BCL2: variants seen among roughly 807,000 people sequenced by gnomAD.
BCL2 encodes BCL2 apoptosis regulator, also known as apoptosis regulator Bcl-2.
Under a neutral mutation model 14.2 loss-of-function variants are expected in BCL2, and 1 was observed. The ratio of observed to expected loss-of-function variants is 0.07; its 90% CI spans 0.02 to 0.33. The LOEUF is 0.33. Ranked by LOEUF, BCL2 falls within the 10% of genes least tolerant of loss-of-function variation. The pLI is 0.99. For missense variants in BCL2, 247 were observed against 305.9 expected (o/e 0.81, Z 1.44); for synonymous variants, 151 against 137.2 (o/e 1.10, Z -0.70).
chr18:63,160,528 C>G (rs913453974), intron 2 of BCL2, among the ~76,000 whole-genome samples: 1 of 152,152 alleles, frequency 6.6e-6, no homozygotes, highest in African/African-American at 2.4e-5. Context: ...AGTGCAGAGT[C>G]CCCTCTTCCA....
chr18:63,293,707 T>C (rs146717587), intron 2 of BCL2, among the ~76,000 whole-genome samples: 124 of 152,252 alleles, frequency 8.1e-4, no homozygotes, highest in African/African-American at 2.9e-3. Flanking sequence ...CATAACCAGT[T>C]TTCTCCAGTA....
At chr18:63,289,020 C>A (rs1250871992) in intron 2 of BCL2, among the ~76,000 whole-genome samples, 1 of 152,014 alleles carries the variant, frequency 6.6e-6, no homozygotes, top group Non-Finnish European at 1.5e-5. Context: ...GAGAAGTGAA[C>A]AAGTAAAGTA....
At chr18:63,147,682 A>G (rs1542578) in intron 2 of BCL2, among the ~76,000 whole-genome samples, 3 of 151,934 alleles carry the variant, frequency 2.0e-5, no homozygotes, top group Non-Finnish European at 2.9e-5. Context: ...GGCATGAAAA[A>G]CATATTCCAA....
At chr18:63,252,950 G>T (rs1344017903) in intron 2 of BCL2, among the ~76,000 whole-genome samples, 5 of 152,088 alleles carry the variant, frequency 3.3e-5, no homozygotes, top group Non-Finnish European at 7.4e-5. Flanking sequence ...AAATAAATAG[G>T]TTCCTAACAT....
intron 2 of BCL2, among the ~76,000 whole-genome samples, chr18:63,234,227 T>G (rs1440362971): frequency 1.3e-5 from 2 of 152,214 alleles, no homozygotes; most frequent in African/African-American, 4.8e-5. Flanking sequence ...CTATTTATTC[T>G]GATGCTCTCC....
intron 2 of BCL2, among the ~76,000 whole-genome samples, chr18:63,305,934 GT>G (rs1417137561): frequency 3.3e-5 from 5 of 151,976 alleles, no homozygotes; most frequent in Admixed American, 2.0e-4. Flanking sequence ...CATTATCTAG[GT>G]GTGGTGGCAT....
intron 2 of BCL2, among the ~76,000 whole-genome samples, chr18:63,211,763 G>A (rs902534941): frequency 4.6e-5 from 7 of 152,230 alleles, no homozygotes; most frequent in Admixed American, 2.0e-4. Flanking sequence ...GCTGCAAGCT[G>A]TGTCTCACCA....
Position 63,272,132 on chromosome 18 carries a change from G to A in BCL2, c.585+45950C>T, listed in dbSNP as rs186896043. On this transcript the variant is annotated intron_variant, in intron 2 of 2. Coordinates refer to ENST00000333681, the MANE Select transcript of BCL2 (RefSeq NM_000633.3). ...AACCAGTGACTGACTCCATATGCGG[G>A]AGACTTCAACCCAGCTGACAGATGC... is the stretch of plus-strand genomic sequence containing the variant. 2.0e-5 allele frequency among the ~76,000 whole-genome samples: 3 copies of A among 152,308 alleles called. No homozygotes were observed. The East Asian group carries it at 5.8e-4, about 29-fold the overall frequency.
intron 2 of BCL2, among the ~76,000 whole-genome samples, chr18:63,249,555 A>C (rs1911245231): frequency 6.6e-6 from 1 of 151,918 alleles, no homozygotes; most frequent in African/African-American, 2.4e-5. Flanking sequence ...AAAAATGCCA[A>C]AAAAATTAGC....
At position 63,318,929 on chromosome 18, in the gene BCL2, T is replaced by C; in HGVS notation, c.-263A>G. On this transcript the variant is annotated 5_prime_UTR_variant, in exon 2 of 3. In the 5' UTR this introduces an upstream ATG that the reference lacks. Coordinates refer to ENST00000333681, the MANE Select transcript of BCL2 (RefSeq NM_000633.3). The surrounding 1 kb of genome is among the most constrained non-coding windows in gnomAD (Gnocchi z 7.4). ...CGTTATTATTAGTAAGTATTGTTAA[T>C]ATCAGTCTACTTCCTCTGTGATGCT... The C allele has an allele frequency of 1.5e-6, 2 of 1,373,992 alleles. No homozygotes were observed. The highest frequency in any genetic ancestry group is 1.9e-6 in the Non-Finnish European group (2 of 1,057,886). 85.1% of individuals were successfully genotyped at this position (1,373,992 alleles called of 1,614,324 possible).
chr18:63,165,071 TAATA>T (rs138982454), intron 2 of BCL2, among the ~76,000 whole-genome samples: 3,860 of 152,088 alleles, frequency 0.025, 161 homozygotes, highest in African/African-American at 0.085. Flanking sequence ...TAAAGTATAA[TAATA>T]AATAAATAAA....
intron 2 of BCL2, among the ~76,000 whole-genome samples, chr18:63,169,377 T>TTCTTTCTTTCTTTC (rs1568222744): frequency 5.9e-5 from 7 of 119,604 alleles, no homozygotes; most frequent in East Asian, 6.0e-4. Flanking sequence ...TTCTCTTTCT[T>TTCTTTCTTTCTTTC]TCTTTCTTTC....
chr18:63,292,873 C>T (rs1293471680), intron 2 of BCL2, among the ~76,000 whole-genome samples: 2 of 152,238 alleles, frequency 1.3e-5, no homozygotes, highest in Non-Finnish European at 2.9e-5. Context: ...GCAGTAGGCA[C>T]GGGCCCAGAG....
At chr18:63,251,790 C>A (rs1911326937) in intron 2 of BCL2, among the ~76,000 whole-genome samples, 2 of 151,264 alleles carry the variant, frequency 1.3e-5, no homozygotes, top group Admixed American at 1.3e-4. Context: ...ACTCCACCTT[C>A]CGGGTTCAAG....
At chr18:63,139,977 A>T (rs1488918054) in intron 2 of BCL2, among the ~76,000 whole-genome samples, 2 of 152,346 alleles carry the variant, frequency 1.3e-5, no homozygotes, top group East Asian at 1.9e-4. Context: ...GCTAAATTTT[A>T]AAAAAGGCCA....
intron 2 of BCL2, among the ~76,000 whole-genome samples, chr18:63,159,035 A>C (rs1271283371): frequency 6.6e-6 from 1 of 152,204 alleles, no homozygotes; most frequent in Non-Finnish European, 1.5e-5. Flanking sequence ...ACTGAGTGTC[A>C]CCAAAATCAC....
At chr18:63,237,091 G>A (rs1015290658) in intron 2 of BCL2, among the ~76,000 whole-genome samples, 3 of 152,128 alleles carry the variant, frequency 2.0e-5, no homozygotes, top group African/African-American at 7.2e-5. Context: ...ACAGTTCCTG[G>A]TGGCGGCTGG....
At chr18:63,164,687 C>T (rs1199372484) in intron 2 of BCL2, among the ~76,000 whole-genome samples, 1 of 152,222 alleles carries the variant, frequency 6.6e-6, no homozygotes, top group Non-Finnish European at 1.5e-5. Context: ...AGGCTTTATA[C>T]ACAGCATTCC....
intron 2 of BCL2, among the ~76,000 whole-genome samples, chr18:63,210,802 CT>C: frequency 6.6e-6 from 1 of 152,150 alleles, no homozygotes; most frequent in East Asian, 1.9e-4. Flanking sequence ...CTAAATAATG[CT>C]GGTTGCTTGC....
Sources: allele counts gnomAD v4.1 joint callset (sites outside exome capture counted in the v4.1 genomes callset), GRCh38; gene constraint gnomAD v4.1.1; non-coding constraint Gnocchi (gnomAD v3.1); transcripts MANE v1.5; gene names NCBI Gene and HGNC (gene_info 2026-07-23, HGNC 2026-07-21).